Variants in DCC observed in about 807,000 individuals in gnomAD.
DCC encodes the protein DCC netrin 1 receptor.
DCC carries 58 observed loss-of-function variants against 172.5 expected under a neutral mutation model. The observed-to-expected ratio is 0.34, with a 90% CI of 0.27 to 0.42. The LOEUF (loss-of-function observed/expected upper bound fraction) is 0.42, where lower values mean the gene tolerates loss of function less well. DCC is among the 10% of genes least tolerant of loss of function. DCC has a pLI of 1.00. For missense variants in DCC, 1,740 were observed against 1,791.0 expected (o/e 0.97, Z 0.51); for synonymous variants, 709 against 644.5 (o/e 1.10, Z -1.52).
rs1461173791 is a variant in DCC, at chr18:53,313,139, G to A, written c.2053+7420G>A. On this transcript the variant is annotated intron_variant, in intron 13 of 28. Coordinates refer to ENST00000442544, the MANE Select transcript of DCC (RefSeq NM_005215.4). ...AACATTGAAAGATCTTCTGATATCA[G>A]CTATCAGAGTTGGGGCCCCCAAAAA... is the stretch of plus-strand genomic sequence containing the variant. Among the ~76,000 whole-genome samples, 7 of 152,040 alleles carry A rather than the reference G, an allele frequency of 4.6e-5. 1 individual carries two copies. Among genetic ancestry groups the A allele is most frequent in the African/African-American group, 1.2e-4 (5 of 41,362 alleles).
At chr18:53,262,267 A>G (rs1489939656) in intron 12 of DCC, among the ~76,000 whole-genome samples, 1 of 151,986 alleles carries the variant, frequency 6.6e-6, no homozygotes, top group Non-Finnish European at 1.5e-5. Context: ...TATTATACCC[A>G]TTTTTCCTCG....
chr18:53,111,903 A>G (rs1484758136), intron 7 of DCC, among the ~76,000 whole-genome samples: 2 of 151,676 alleles, frequency 1.3e-5, no homozygotes, highest in African/African-American at 4.8e-5. Context: ...ATTCTCTTGA[A>G]TGCTTCATTG....
At chr18:53,245,007 T>C (rs1248363547) in intron 12 of DCC, among the ~76,000 whole-genome samples, 2 of 152,160 alleles carry the variant, frequency 1.3e-5, no homozygotes, top group African/African-American at 2.4e-5. Context: ...GCTTAGTTAC[T>C]TGTGATCTTT....
At chr18:52,846,775 G>A (rs1391898191) in intron 2 of DCC, among the ~76,000 whole-genome samples, 2 of 152,058 alleles carry the variant, frequency 1.3e-5, no homozygotes, top group African/African-American at 4.8e-5. Context: ...AGCTTCAACT[G>A]GAAAAAGTAG....
intron 1 of DCC, among the ~76,000 whole-genome samples, chr18:52,416,362 G>A (rs1267489429): frequency 1.3e-5 from 2 of 151,972 alleles, no homozygotes; most frequent in African/African-American, 4.8e-5. Context: ...GATTTGGGGT[G>A]GAGAGTTCTG....
intron 1 of DCC, among the ~76,000 whole-genome samples, chr18:52,457,000 TAGAATCCCAATTATACTTC>T (rs1988478683): frequency 6.6e-6 from 1 of 152,130 alleles, no homozygotes; most frequent in Non-Finnish European, 1.5e-5. Context: ...TTGAAGTGAA[TAGAATCCCAATTATACTTC>T]ACTTTATGGA....
At chr18:52,916,085 A>T (rs181509393) in intron 3 of DCC, among the ~76,000 whole-genome samples, 5 of 152,276 alleles carry the variant, frequency 3.3e-5, no homozygotes, top group Admixed American at 2.6e-4. Context: ...TCCTTAAAGT[A>T]CACATCTTTT....
chr18:52,866,302 G>A (rs777059539), intron 2 of DCC, among the ~76,000 whole-genome samples: 10 of 152,170 alleles, frequency 6.6e-5, no homozygotes, highest in Middle Eastern at 3.2e-3. Context: ...TAGCCTTACA[G>A]GATAATTTCA....
intron 1 of DCC, among the ~76,000 whole-genome samples, chr18:52,522,719 A>G (rs993911277): frequency 6.6e-6 from 1 of 152,224 alleles, no homozygotes; most frequent in African/African-American, 2.4e-5. Flanking sequence ...TCTCATAGCT[A>G]GATTAATGTA....
chr18:53,315,885 G>C (rs1250247838), intron 13 of DCC, among the ~76,000 whole-genome samples: 1 of 152,016 alleles, frequency 6.6e-6, no homozygotes, highest in Non-Finnish European at 1.5e-5. Flanking sequence ...CAGATGGATA[G>C]ATTAAAAAAA....
intron 12 of DCC, 143 bp from the exon 13 acceptor site, chr18:53,305,435 G>A (rs889466256): frequency 1.5e-5 from 10 of 679,696 alleles, no homozygotes; most frequent in East Asian, 5.4e-5. Flanking sequence ...TTATAAGAAC[G>A]AATTTAATTT....
At chr18:52,775,395 T>C (rs113902371) in intron 2 of DCC, among the ~76,000 whole-genome samples, 13,253 of 152,266 alleles carry the variant, frequency 0.087, 662 homozygotes, top group South Asian at 0.18. Flanking sequence ...TCAAGTAGAC[T>C]CTCTACCTTG....
chr18:52,449,092 C>T (rs1988220896), intron 1 of DCC, among the ~76,000 whole-genome samples: 1 of 152,214 alleles, frequency 6.6e-6, no homozygotes, highest in East Asian at 1.9e-4. Flanking sequence ...TTATGCCTTA[C>T]ATGGATGGCA....
intron 7 of DCC, among the ~76,000 whole-genome samples, chr18:53,131,190 TG>T (rs1417370010): frequency 6.6e-6 from 1 of 152,054 alleles, no homozygotes. Context: ...AAAATGTAAA[TG>T]AACTGCAATA....
chr18:53,446,096 T>TAGAAAAAA (rs1167100791), intron 22 of DCC, among the ~76,000 whole-genome samples: 4 of 14,422 alleles, frequency 2.8e-4, no homozygotes, highest in African/African-American at 9.3e-4. Flanking sequence ...ACCCTGTCTC[T>TAGAAAAAA]ACAAAAAAAA....
In DCC at chr18:52,739,737, G is replaced by A. The variant is rs148330480; in HGVS notation, c.92-12317G>A. ...CCATGTCAGAGGCCATGTGAATGCC[G>A]TCGGCACTGGCCCCTGCCTGCTAGT... On this transcript the variant is annotated intron_variant, in intron 1 of 28. Coordinates refer to ENST00000442544, the MANE Select transcript of DCC (RefSeq NM_005215.4). Among the ~76,000 whole-genome samples, 15 of 152,336 alleles carry A rather than the reference G, an allele frequency of 9.8e-5. No homozygotes were observed. In the East Asian group the frequency reaches 1.7e-3, roughly 18 times the overall value.
chr18:53,097,302 G>C (rs1316388723), intron 7 of DCC, among the ~76,000 whole-genome samples: 1 of 152,088 alleles, frequency 6.6e-6, no homozygotes, highest in Non-Finnish European at 1.5e-5. Context: ...TCACTTCCCG[G>C]TTGCCCTTCT....
At chr18:52,910,463 A>G (rs2039956278) in intron 3 of DCC, among the ~76,000 whole-genome samples, 1 of 152,188 alleles carries the variant, frequency 6.6e-6, no homozygotes, top group Non-Finnish European at 1.5e-5. Context: ...AATTATACAT[A>G]TGTAACAGAA....
chr18:53,093,071 C>A (rs9952382), intron 7 of DCC, among the ~76,000 whole-genome samples: 43 of 152,192 alleles, frequency 2.8e-4, no homozygotes, highest in African/African-American at 1.0e-3. Context: ...GACTTGAGAC[C>A]AGGAGTTTGA....
Sources: gnomAD v4.1 joint callset for allele counts (sites outside exome capture counted in the v4.1 genomes callset) on GRCh38, gnomAD v4.1.1 for gene constraint, MANE v1.5 for transcripts, NCBI Gene and HGNC (gene_info 2026-07-23, HGNC 2026-07-21) for gene names.